The following SAMD5 variants were observed in gnomAD, a reference collection of about 807,000 sequenced individuals.
The protein encoded by SAMD5 is sterile alpha motif domain containing 5.
In SAMD5, 13 loss-of-function variants were observed where a neutral mutation model predicts 11.3. The observed-to-expected ratio is 1.15, with a 90% CI of 0.75 to 1.83. The LOEUF is 1.83. Among genes scored for constraint, SAMD5 ranks in the 40% most tolerant of loss-of-function variants. The pLI is 0.00. For missense variants in SAMD5, 255 were observed against 239.1 expected (o/e 1.07, Z -0.44); for synonymous variants, 129 against 111.3 (o/e 1.16, Z -1.00).
the SAMD5 span, among the ~76,000 whole-genome samples, chr6:147,848,542 C>G: frequency 6.6e-6 from 1 of 152,172 alleles, no homozygotes; most frequent in Non-Finnish European, 1.5e-5. Context: ...GAGACTATGA[C>G]TCAGAAGGTC....
chr6:147,732,611 A>G (rs1258902566), intron 1 of SAMD5, among the ~76,000 whole-genome samples: 1 of 152,204 alleles, frequency 6.6e-6, no homozygotes, highest in African/African-American at 2.4e-5. Context: ...TGAAAAATGA[A>G]TATGATGTTA....
At chr6:147,561,573 G>A (rs1562320990) in intron 1 of SAMD5, among the ~76,000 whole-genome samples, 1 of 152,014 alleles carries the variant, frequency 6.6e-6, no homozygotes, top group Non-Finnish European at 1.5e-5. Flanking sequence ...AGAAGACTGT[G>A]AACACATGTG....
chr6:147,651,342 G>T (rs1790480803), intron 1 of SAMD5, among the ~76,000 whole-genome samples: 1 of 152,174 alleles, frequency 6.6e-6, no homozygotes, highest in Admixed American at 6.5e-5. Flanking sequence ...TTTCTCCATT[G>T]CTAACTCTTT....
chr6:147,544,395 TA>T (rs1304469664), intron 1 of SAMD5, among the ~76,000 whole-genome samples: 1 of 152,188 alleles, frequency 6.6e-6, no homozygotes, highest in African/African-American at 2.4e-5. Context: ...AGAGGAGTAT[TA>T]AGGGTTTTTA....
rs1011410679 is a variant in SAMD5 at position 147,683,027 on chromosome 6, A to G, written c.163-54290A>G. Among the ~76,000 whole-genome samples the G allele has an allele frequency of 1.3e-5, 2 of 152,316 alleles. 1 individual carries two copies. Among genetic ancestry groups the G allele is most frequent in the East Asian group, 3.9e-4 (2 of 5,184 alleles). ...GTAACCGTGTCGTTTTCTCTGTGCTATATAGAACCATATTTTCTTTCATTG... is the reference window on the plus strand; with the variant it reads ...GTAACCGTGTCGTTTTCTCTGTGCTGTATAGAACCATATTTTCTTTCATTG... On this transcript the variant is annotated intron_variant, in intron 1 of 1. Coordinates refer to the SAMD5 transcript ENST00000566741.
chr6:147,819,319 C>T, the SAMD5 span, among the ~76,000 whole-genome samples: 1 of 151,970 alleles, frequency 6.6e-6, no homozygotes, highest in Non-Finnish European at 1.5e-5. Flanking sequence ...CACACTGGGG[C>T]CTACTTGGGG....
chr6:147,729,777 C>A (rs1393739965), intron 1 of SAMD5: 1 of 456,958 alleles, frequency 2.2e-6, no homozygotes, highest in Non-Finnish European at 4.4e-6. Flanking sequence ...GGTGATGTGC[C>A]TGATGTGTTC....
chr6:147,732,872 T>A (rs375912757), intron 1 of SAMD5, among the ~76,000 whole-genome samples: 1 of 152,178 alleles, frequency 6.6e-6, no homozygotes, highest in African/African-American at 2.4e-5. Context: ...AGAAAAAATT[T>A]AAGGCACAAA....
chr6:147,846,832 C>G, the SAMD5 span, among the ~76,000 whole-genome samples: 5 of 152,070 alleles, frequency 3.3e-5, no homozygotes, highest in Non-Finnish European at 7.4e-5. Flanking sequence ...AAAAACAAAA[C>G]AAAACAGTTA....
chr6:147,653,918 T>C (rs1790529124), intron 1 of SAMD5, among the ~76,000 whole-genome samples: 2 of 152,176 alleles, frequency 1.3e-5, no homozygotes, highest in Non-Finnish European at 2.9e-5. Context: ...AGAAGAGAAG[T>C]TGCCTTTGAG....
intron 1 of SAMD5, among the ~76,000 whole-genome samples, chr6:147,585,137 C>A (rs1789355922): frequency 6.6e-6 from 1 of 152,058 alleles, no homozygotes; most frequent in African/African-American, 2.4e-5. Context: ...TCGGGGCAGG[C>A]AAAAGATTGA....
chr6:147,630,942 C>T (rs1208652045), intron 1 of SAMD5, among the ~76,000 whole-genome samples: 1 of 152,192 alleles, frequency 6.6e-6, no homozygotes, highest in African/African-American at 2.4e-5. Flanking sequence ...GGGATGCCTG[C>T]TTGATTATTC....
At chr6:147,909,639 T>TTTCTTTC in the SAMD5 span, among the ~76,000 whole-genome samples, 7 of 138,856 alleles carry the variant, frequency 5.0e-5, no homozygotes, top group African/African-American at 2.2e-4. Flanking sequence ...TTTCTCTTTC[T>TTTCTTTC]TGTCTTTTGT....
At chr6:147,686,912 T>C (rs1315278482) in intron 1 of SAMD5, among the ~76,000 whole-genome samples, 1 of 152,162 alleles carries the variant, frequency 6.6e-6, no homozygotes, top group Non-Finnish European at 1.5e-5. Context: ...CTCTAAGTTC[T>C]GGGATACATG....
intron 1 of SAMD5, among the ~76,000 whole-genome samples, chr6:147,657,444 G>A (rs1790586997): frequency 6.6e-6 from 1 of 152,036 alleles, no homozygotes; most frequent in Non-Finnish European, 1.5e-5. Context: ...AATACTCCAG[G>A]ACAAACATGA....
chr6:147,823,870 T>A, the SAMD5 span, among the ~76,000 whole-genome samples: 1 of 152,358 alleles, frequency 6.6e-6, no homozygotes, highest in Non-Finnish European at 1.5e-5. Flanking sequence ...TTCCAGTGTA[T>A]ACTTTTTACA....
intron 1 of SAMD5, among the ~76,000 whole-genome samples, chr6:147,581,471 T>C (rs1789296727): frequency 6.6e-6 from 1 of 151,506 alleles, no homozygotes; most frequent in South Asian, 2.1e-4. Context: ...AGAGGATGAG[T>C]GATGAAACAT....
the SAMD5 span, among the ~76,000 whole-genome samples, chr6:147,904,377 C>T: frequency 6.6e-6 from 1 of 152,176 alleles, no homozygotes; most frequent in African/African-American, 2.4e-5. Flanking sequence ...ACTAGAGCTA[C>T]AGGAGGAAGC....
At chr6:147,667,140 G>A (rs1189193895) in intron 1 of SAMD5, among the ~76,000 whole-genome samples, 2 of 152,068 alleles carry the variant, frequency 1.3e-5, no homozygotes, top group African/African-American at 4.8e-5. Context: ...TTACATATCC[G>A]GGTCCTCACT....
Sources: gnomAD v4.1 joint callset for allele counts (sites outside exome capture counted in the v4.1 genomes callset) on GRCh38, gnomAD v4.1.1 for gene constraint, MANE v1.5 for transcripts, NCBI Gene and HGNC (gene_info 2026-07-23, HGNC 2026-07-21) for gene names.